ARMC9: variants seen among roughly 807,000 people sequenced by gnomAD.
The protein encoded by ARMC9 is lisH domain-containing protein ARMC9.
Under a neutral mutation model 107.0 loss-of-function variants are expected in ARMC9, and 94 were observed. The observed-to-expected ratio is 0.88, with a 90% confidence interval of 0.74 to 1.04. The LOEUF (loss-of-function observed/expected upper bound fraction) is 1.04, where lower values mean the gene tolerates loss of function less well. Ranked by LOEUF, ARMC9 falls within the 50% of genes least tolerant of loss-of-function variation. ARMC9 has a pLI of 0.00. For missense variants in ARMC9, 942 were observed against 1,030.1 expected (o/e 0.91, Z 1.17); for synonymous variants, 380 against 396.9 (o/e 0.96, Z 0.51).
rs58607252 is a variant in ARMC9 at position 231,237,175 on chromosome 2, CGTGTGTGT to C, written c.780+1819_780+1826del. ...ATTTTAGAACATTTCTCTGCGTATG[CGTGTGTGT>C]GTGTGTGTGTGTGTGTGTGTGTGTA... On this transcript the variant is annotated intron_variant, in intron 8 of 24. Coordinates refer to ENST00000611582, the MANE Select transcript of ARMC9 (RefSeq NM_001352754.2). Among the ~76,000 whole-genome samples, 329 of 148,804 alleles carry C rather than the reference CGTGTGTGT, an allele frequency of 2.2e-3. 2 individuals carry two copies. The highest frequency in any genetic ancestry group is 7.6e-3 in the African/African-American group (311 of 40,682).
chr2:231,363,255 ATGTGGCTTTGGT>A (rs1159354000), intron 23 of ARMC9, among the ~76,000 whole-genome samples: 5 of 152,172 alleles, frequency 3.3e-5, no homozygotes, highest in Admixed American at 2.6e-4. Flanking sequence ...GTGGTTCTCT[ATGTGGCTTTGGT>A]GGGGAACGTT....
intron 19 of ARMC9, among the ~76,000 whole-genome samples, chr2:231,298,351 C>T (rs962906634): frequency 7.9e-5 from 12 of 152,302 alleles, no homozygotes; most frequent in Admixed American, 6.5e-4. Flanking sequence ...CAGCTTTCAC[C>T]GGAGGCTAGC....
intron 2 of ARMC9, 51 bp downstream of exon 2, chr2:231,206,340 T>C (rs751396454): frequency 6.6e-7 from 1 of 1,523,072 alleles, no homozygotes; most frequent in African/African-American, 1.4e-5. Flanking sequence ...TCTTGAAAAC[T>C]TGTGTTTTAA....
chr2:231,324,432 T>A (rs2125542265), intron 19 of ARMC9, among the ~76,000 whole-genome samples: 1 of 147,122 alleles, frequency 6.8e-6, no homozygotes, highest in South Asian at 2.2e-4. Flanking sequence ...TACGTTTAAT[T>A]AAAAAACAGC....
chr2:231,270,217 C>CT (rs2039206117), intron 12 of ARMC9, among the ~76,000 whole-genome samples: 1 of 152,118 alleles, frequency 6.6e-6, no homozygotes, highest in Admixed American at 6.5e-5. Flanking sequence ...CATTTAGACA[C>CT]TAACCCCCCT....
At chr2:231,367,971 T>A in intron 23 of ARMC9, among the ~76,000 whole-genome samples, 1 of 142,952 alleles carries the variant, frequency 7.0e-6, no homozygotes, top group African/African-American at 2.6e-5. Flanking sequence ...CGAGCAAAAC[T>A]CCATTTCAAA....
chr2:231,219,315 T>TAA (rs1338146271), intron 5 of ARMC9, among the ~76,000 whole-genome samples: 1 of 152,224 alleles, frequency 6.6e-6, no homozygotes, highest in East Asian at 1.9e-4. Context: ...CGTCTCCTCT[T>TAA]ATTTAAGTAC....
At chr2:231,223,889 AGAG>A (rs2034393867) in intron 6 of ARMC9, among the ~76,000 whole-genome samples, 1 of 152,164 alleles carries the variant, frequency 6.6e-6, no homozygotes, top group East Asian at 1.9e-4. Context: ...TTTCCTTCCT[AGAG>A]TTCCATATAC....
At chr2:231,250,672 A>G (rs886914358) in intron 9 of ARMC9, among the ~76,000 whole-genome samples, 2 of 152,054 alleles carry the variant, frequency 1.3e-5, no homozygotes, top group Non-Finnish European at 2.9e-5. Context: ...GAAGAGAGTG[A>G]GGGGCTGCCA....
At chr2:231,285,273 TTA>T (rs1228021077) in intron 17 of ARMC9, among the ~76,000 whole-genome samples, 2 of 152,178 alleles carry the variant, frequency 1.3e-5, no homozygotes, top group Non-Finnish European at 2.9e-5. Context: ...AATATTTTCC[TTA>T]ATGGCTTCTA....
At chr2:231,270,552 G>A in intron 12 of ARMC9, 1 of 457,766 alleles carries the variant, frequency 2.2e-6, no homozygotes, top group Non-Finnish European at 4.5e-6. Flanking sequence ...CCAGAATTGT[G>A]GCGTTATCGT....
intron 20 of ARMC9, among the ~76,000 whole-genome samples, chr2:231,332,634 C>T (rs2043818300): frequency 6.6e-6 from 1 of 152,120 alleles, no homozygotes; most frequent in Admixed American, 6.6e-5. Flanking sequence ...GGATGTGAGT[C>T]AGGAGGAAGC....
chr2:231,357,504 C>T lies in ARMC9; in HGVS notation c.2131+1570C>T, dbSNP rs138985919. ...CCAGAGACCAGGAATAGTCACTGCC[C>T]TCCCTGGCCCTGCCAGGCCCGCTCT... On this transcript the variant is annotated intron_variant, in intron 22 of 24. Coordinates refer to ENST00000611582, the MANE Select transcript of ARMC9 (RefSeq NM_001352754.2). Among the ~76,000 whole-genome samples the T allele has an allele frequency of 3.9e-3, 596 of 152,346 alleles. 1 individual carries two copies. Among genetic ancestry groups the T allele is most frequent in the African/African-American group, 0.012 (508 of 41,568 alleles).
chr2:231,314,355 G>A (rs181996657), intron 19 of ARMC9, among the ~76,000 whole-genome samples: 26 of 152,298 alleles, frequency 1.7e-4, no homozygotes, highest in Admixed American at 3.3e-4. Context: ...TGGGATTACA[G>A]GTGTGAGCCA....
At chr2:231,209,993 T>G (rs1405591213) in intron 3 of ARMC9, among the ~76,000 whole-genome samples, 1 of 152,216 alleles carries the variant, frequency 6.6e-6, no homozygotes, top group African/African-American at 2.4e-5. Flanking sequence ...CTTATTATTT[T>G]AACAGATTTT....
intron 13 of ARMC9, among the ~76,000 whole-genome samples, chr2:231,272,282 C>T (rs978693316): frequency 1.3e-5 from 2 of 149,588 alleles, no homozygotes; most frequent in Non-Finnish European, 1.5e-5. Context: ...CCTCAACCAC[C>T]TGGGCTCAAG....
At position 231,335,805 on chromosome 2, in the gene ARMC9, G is replaced by A. The variant is rs572287087; in HGVS notation, c.1878+3908G>A. Among the ~76,000 whole-genome samples the A allele has an allele frequency of 1.1e-4, 16 of 152,280 alleles. No homozygotes were observed. In the East Asian group the frequency reaches 2.1e-3, roughly 20 times the overall value. On this transcript the variant is annotated intron_variant, in intron 20 of 24. Coordinates refer to ENST00000611582, the MANE Select transcript of ARMC9 (RefSeq NM_001352754.2). Reference sequence around the variant, plus strand: ...ATCAACAATGCCTCTGGCCGGGTGCGGTGGCTGACGCGTGTGATTCCAAGA... The same window carrying A: ...ATCAACAATGCCTCTGGCCGGGTGCAGTGGCTGACGCGTGTGATTCCAAGA...
intron 21 of ARMC9, among the ~76,000 whole-genome samples, chr2:231,353,984 C>T (rs993266749): frequency 0.016 from 1,844 of 113,136 alleles, 46 homozygotes; most frequent in African/African-American, 0.12. Flanking sequence ...TATATATACA[C>T]ACACACACAC....
intron 3 of ARMC9, among the ~76,000 whole-genome samples, chr2:231,211,372 A>T (rs1287970831): frequency 2.6e-5 from 4 of 152,090 alleles, no homozygotes; most frequent in East Asian, 1.9e-4. Flanking sequence ...AAAAAAAAAA[A>T]AATACAAAAA....
Sources: allele counts gnomAD v4.1 joint callset (sites outside exome capture counted in the v4.1 genomes callset), GRCh38; gene constraint gnomAD v4.1.1; transcripts MANE v1.5; gene names NCBI Gene and HGNC (gene_info 2026-07-23, HGNC 2026-07-21).